PHACTR3: variants seen among roughly 807,000 people sequenced by gnomAD.
PHACTR3 encodes phosphatase and actin regulator 3.
PHACTR3 carries 16 observed loss-of-function variants against 66.8 expected under a neutral mutation model. The observed-to-expected ratio is 0.24, with a 90% CI of 0.16 to 0.36. The LOEUF (loss-of-function observed/expected upper bound fraction) is 0.36, where lower values mean the gene tolerates loss of function less well. Ranked by LOEUF, PHACTR3 falls within the 10% of genes least tolerant of loss-of-function variation. The probability of loss-of-function intolerance (pLI) is 1.00; values close to 1 mark genes in which losing one functional copy is unlikely to be tolerated. For synonymous variants in PHACTR3, 323 were observed against 292.1 expected (o/e 1.11, Z -1.08); for missense variants, 647 against 719.9 (o/e 0.90, Z 1.16).
chr20:59,688,894 C>T (rs368004048), intron 1 of PHACTR3, among the ~76,000 whole-genome samples: 2 of 152,060 alleles, frequency 1.3e-5, no homozygotes, highest in Non-Finnish European at 2.9e-5. Context: ...GCTTTGTTCT[C>T]GTGGGCTTGG....
chr20:59,801,908 G>A (rs75087263), intron 7 of PHACTR3, among the ~76,000 whole-genome samples: 9,761 of 152,200 alleles, frequency 0.064, 739 homozygotes, highest in East Asian at 0.37. Flanking sequence ...CAAGCTTAGC[G>A]AGACGTGTGG....
intron 1 of PHACTR3, among the ~76,000 whole-genome samples, chr20:59,720,501 T>C (rs1273938577): frequency 6.6e-6 from 1 of 152,202 alleles, no homozygotes; most frequent in Non-Finnish European, 1.5e-5. Context: ...TGATGGCACC[T>C]ACTAAGCGCA....
At position 59,773,323 on chromosome 20, in the gene PHACTR3, C is replaced by T. The variant is rs754289419; in HGVS notation, c.796C>T (p.Pro266Ser). ...FQASSMKSAD[P>S]SLRGQLSTPT... ...AGCCTCCAGCATGAAGAGTGCCGACCCTTCCCTCCGGGGCCAGCTCTCCAC... is the reference window on the plus strand; with the variant it reads ...AGCCTCCAGCATGAAGAGTGCCGACTCTTCCCTCCGGGGCCAGCTCTCCAC... The change falls in exon 6 of 13, where the codon CCT becomes TCT. Residue 266 changes from proline to serine, a missense_variant. Coordinates refer to ENST00000371015, the MANE Select transcript of PHACTR3 (RefSeq NM_080672.5). The T allele has an allele frequency of 2.5e-6, 4 of 1,614,060 alleles. No individual in the cohort carries two copies. The South Asian group carries it at 3.3e-5, about 13-fold the overall frequency.
At chr20:59,749,962 G>C (rs2039517089) in intron 3 of PHACTR3, among the ~76,000 whole-genome samples, 1 of 152,154 alleles carries the variant, frequency 6.6e-6, no homozygotes, top group Admixed American at 6.5e-5. Flanking sequence ...CCAGGGACTA[G>C]AGTGGCCTGA....
chr20:59,743,153 A>G lies in PHACTR3; in HGVS notation c.165A>G (p.Ser55=), dbSNP rs1321320119. 2.5e-6 allele frequency: 4 copies of G among 1,614,062 alleles called. No individual in the cohort carries two copies. Among genetic ancestry groups the G allele is most frequent in the Non-Finnish European group, 3.4e-6 (4 of 1,179,946 alleles). Residue 55 remains serine, a synonymous_variant, in exon 2 of 13, where the codon TCA becomes TCG. Transcript: ENST00000371015. ...CGGCGCGTCCTGAATATCTGGTCTC[A>G]GGGATTCGAACTCCCCCTGTGAGGA... ...TPPARPEYLV[S]GIRTPPVRRN...
chr20:59,786,828 G>A (rs944173144), intron 7 of PHACTR3, among the ~76,000 whole-genome samples: 8 of 152,124 alleles, frequency 5.3e-5, no homozygotes, highest in South Asian at 2.1e-4. Flanking sequence ...TGCAGTTGAC[G>A]GGTGTCCATG....
At chr20:59,777,686 A>G (rs1027578220) in intron 7 of PHACTR3, among the ~76,000 whole-genome samples, 5 of 152,074 alleles carry the variant, frequency 3.3e-5, no homozygotes, top group African/African-American at 9.7e-5. Flanking sequence ...CTACCTATCA[A>G]TTACTTATTG....
chr20:59,738,538 T>C lies in PHACTR3; in HGVS notation c.119-4569T>C, dbSNP rs545861837. On this transcript the variant is annotated intron_variant, in intron 1 of 12. Transcript: ENST00000371015. This position sits in a 1 kb window ranked among gnomAD's most constrained non-coding sequence, Gnocchi z 4.4. The stretch of plus-strand genomic sequence containing the variant: ...GATGCAGGTGGCAAAGAAAGTTGGG[T>C]TCAGGGTCTGATCTGTAGTTTATTC... Among the ~76,000 whole-genome samples the C allele has an allele frequency of 1.8e-4, 27 of 152,232 alleles. No individual in the cohort carries two copies. The highest frequency in any genetic ancestry group is 6.5e-4 in the African/African-American group (27 of 41,568).
chr20:59,774,527 G>A (rs1487302025), intron 7 of PHACTR3, 37 bp downstream of exon 7: 31 of 1,598,690 alleles, frequency 1.9e-5, no homozygotes, highest in African/African-American at 2.7e-5. Context: ...TGGGGATCTC[G>A]GCCAGAGGTC....
At chr20:59,665,511 AT>A (rs11475736) in intron 1 of PHACTR3, among the ~76,000 whole-genome samples, 6,546 of 150,878 alleles carry the variant, frequency 0.043, 357 homozygotes, top group East Asian at 0.29. Flanking sequence ...TCATATTACG[AT>A]TTTTTTTTTC....
rs2040688747 is a variant in PHACTR3, at chr20:59,780,548, C to T, written c.1174+6058C>T. On this transcript the variant is annotated intron_variant, in intron 7 of 12. Coordinates refer to ENST00000371015, the MANE Select transcript of PHACTR3 (RefSeq NM_080672.5). The stretch of plus-strand genomic sequence containing the variant: ...GGTACCAATCCCATTGGTGAGGGTT[C>T]CACCTAATGATCTAATCACCTTCCA... Among the ~76,000 whole-genome samples the T allele has an allele frequency of 2.0e-5, 3 of 152,230 alleles. No individual in the cohort carries two copies. In the South Asian group the frequency reaches 6.2e-4, roughly 32 times the overall value.
intron 1 of PHACTR3, among the ~76,000 whole-genome samples, chr20:59,704,480 A>G (rs975000113): frequency 6.7e-6 from 1 of 150,020 alleles, no homozygotes; most frequent in Non-Finnish European, 1.5e-5. Context: ...ACTTCAGCTC[A>G]TGGGAAATGC....
intron 1 of PHACTR3, among the ~76,000 whole-genome samples, chr20:59,637,028 T>G (rs1419590257): frequency 6.6e-6 from 1 of 152,218 alleles, no homozygotes; most frequent in Non-Finnish European, 1.5e-5. Context: ...AATTTTAGAA[T>G]GATCTAGGCA....
chr20:59,694,711 A>G (rs564357959), intron 1 of PHACTR3, among the ~76,000 whole-genome samples: 1 of 152,266 alleles, frequency 6.6e-6, no homozygotes, highest in Non-Finnish European at 1.5e-5. Flanking sequence ...GAAATAATAC[A>G]TAGAAGCTTT....
At chr20:59,749,142 C>A (rs554708496) in intron 3 of PHACTR3, among the ~76,000 whole-genome samples, 2 of 152,104 alleles carry the variant, frequency 1.3e-5, no homozygotes, top group Non-Finnish European at 2.9e-5. Context: ...TGGCGGAATG[C>A]GGTTGCTGAG....
At chr20:59,689,386 G>A (rs551099699) in intron 1 of PHACTR3, among the ~76,000 whole-genome samples, 1 of 152,376 alleles carries the variant, frequency 6.6e-6, no homozygotes, top group South Asian at 2.1e-4. Context: ...CAAATGTAGA[G>A]TGAGACAGAA....
intron 5 of PHACTR3, among the ~76,000 whole-genome samples, chr20:59,772,656 C>T (rs996953110): frequency 6.6e-6 from 1 of 152,150 alleles, no homozygotes; most frequent in Non-Finnish European, 1.5e-5. Context: ...GGTGGAGATG[C>T]AGCTAGGGAG....
intron 4 of PHACTR3, among the ~76,000 whole-genome samples, chr20:59,755,760 T>C (rs1267033082): frequency 6.6e-6 from 1 of 152,198 alleles, no homozygotes; most frequent in East Asian, 1.9e-4. Context: ...GAGGGACTTT[T>C]CTGTGGCCGA....
intron 8 of PHACTR3, among the ~76,000 whole-genome samples, chr20:59,811,067 A>G (rs2041723842): frequency 6.6e-6 from 1 of 152,246 alleles, no homozygotes; most frequent in African/African-American, 2.4e-5. Flanking sequence ...CCAGTAAAGC[A>G]GGTGGTACTA....
Sources: allele counts gnomAD v4.1 joint callset (sites outside exome capture counted in the v4.1 genomes callset), GRCh38; gene constraint gnomAD v4.1.1; non-coding constraint Gnocchi (gnomAD v3.1); transcripts MANE v1.5; gene names NCBI Gene and HGNC (gene_info 2026-07-23, HGNC 2026-07-21).